CLNK: variants seen among roughly 807,000 people sequenced by gnomAD.
CLNK encodes cytokine dependent hematopoietic cell linker.
CLNK carries 74 observed loss-of-function variants against 68.6 expected under a neutral mutation model. That is an observed-to-expected ratio of 1.08 (90% CI 0.89 to 1.31). CLNK has a LOEUF of 1.31. CLNK is among the 50% of genes most tolerant of loss of function. The probability of loss-of-function intolerance (pLI) is 0.00; values close to 1 mark genes in which losing one functional copy is unlikely to be tolerated. For missense variants in CLNK, 553 were observed against 515.3 expected (o/e 1.07, Z -0.71); for synonymous variants, 198 against 172.2 (o/e 1.15, Z -1.17).
rs11737601 is a variant in CLNK at position 10,486,944 on chromosome 4, A to G, written c.*3523T>C. ...TCACTGCTCTATTTTCAACATCTAC[A>G]ATAGTGCTTAGTAATGAATACACAT... On this transcript the variant is annotated 3_prime_UTR_variant, in exon 19 of 19. Transcript: ENST00000226951. The G allele has an allele frequency of 0.25, 38,413 of 152,174 alleles. 5,440 individuals carry two copies. The highest frequency in any genetic ancestry group is 0.34 in the Middle Eastern group (100 of 296). 9.4% of individuals were successfully genotyped at this position (152,174 alleles called of 1,614,324 possible). A position where few individuals can be genotyped will look rare whatever the true frequency, so the allele number is the denominator to read the frequency against.
intron 8 of CLNK, among the ~76,000 whole-genome samples, chr4:10,557,022 G>A (rs1014621529): frequency 6.6e-5 from 10 of 151,878 alleles, no homozygotes; most frequent in Non-Finnish European, 1.5e-5. Context: ...GTTGCAGTGA[G>A]CCAAGATCAC....
intron 3 of CLNK, among the ~76,000 whole-genome samples, chr4:10,593,324 AG>A (rs199537398): frequency 0.041 from 6,222 of 152,066 alleles, 184 homozygotes; most frequent in Middle Eastern, 0.099. Flanking sequence ...GCCTGACTGA[AG>A]GGACCCAGTA....
chr4:10,603,222 T>G (rs970376664), intron 2 of CLNK, among the ~76,000 whole-genome samples: 10 of 152,204 alleles, frequency 6.6e-5, no homozygotes, highest in Non-Finnish European at 1.2e-4. Flanking sequence ...ATCACTAAAA[T>G]TGCTCTTAAG....
intron 2 of CLNK, among the ~76,000 whole-genome samples, chr4:10,632,308 C>A (rs1560253483): frequency 6.6e-6 from 1 of 152,190 alleles, no homozygotes; most frequent in Non-Finnish European, 1.5e-5. Context: ...TGACCTCTGC[C>A]ATGTCCACCA....
chr4:10,670,055 C>G (rs1009730341), intron 1 of CLNK, among the ~76,000 whole-genome samples: 1 of 152,168 alleles, frequency 6.6e-6, no homozygotes, highest in East Asian at 1.9e-4. Context: ...ACACTTGGAC[C>G]CTCCTAGTTT....
intron 1 of CLNK, among the ~76,000 whole-genome samples, 174 bp from the exon 2 acceptor site, chr4:10,668,085 G>A (rs1466501781): frequency 6.6e-6 from 1 of 152,168 alleles, no homozygotes; most frequent in Non-Finnish European, 1.5e-5. Flanking sequence ...CACAGTTGGG[G>A]AGGGGATTTC....
At chr4:10,501,126 G>T (rs1717026009) in intron 18 of CLNK, 130 bp downstream of exon 18, 2 of 873,648 alleles carry the variant, frequency 2.3e-6, no homozygotes, top group Non-Finnish European at 3.4e-6. Context: ...TTTGTGGAAG[G>T]GGTGGGGAGG....
intron 18 of CLNK, among the ~76,000 whole-genome samples, chr4:10,493,416 G>T (rs1351944541): frequency 2.0e-5 from 3 of 152,160 alleles, no homozygotes; most frequent in East Asian, 1.9e-4. Context: ...CAAGATCGAG[G>T]CACTGGCAGA....
intron 2 of CLNK, among the ~76,000 whole-genome samples, chr4:10,627,237 G>T (rs573578514): frequency 6.6e-6 from 1 of 152,274 alleles, no homozygotes; most frequent in South Asian, 2.1e-4. Flanking sequence ...GGTGGAAGGT[G>T]TCCCAGGTGT....
chr4:10,646,795 T>C (rs373268041), intron 2 of CLNK, among the ~76,000 whole-genome samples: 1 of 152,138 alleles, frequency 6.6e-6, no homozygotes, highest in Non-Finnish European at 1.5e-5. Context: ...TTCTTAACTA[T>C]TCATTATCCC....
At chr4:10,642,298 C>T (rs536463870) in intron 2 of CLNK, among the ~76,000 whole-genome samples, 10 of 152,208 alleles carry the variant, frequency 6.6e-5, no homozygotes, top group Non-Finnish European at 1.2e-4. Flanking sequence ...CAGAGATGGC[C>T]GAGATATTGC....
At chr4:10,581,906 G>A (rs1221878789) in intron 4 of CLNK, among the ~76,000 whole-genome samples, 2 of 152,086 alleles carry the variant, frequency 1.3e-5, no homozygotes, top group Non-Finnish European at 2.9e-5. Flanking sequence ...CCCTTGGTCA[G>A]CAAGTCTAAA....
At position 10,667,886 on chromosome 4, in the gene CLNK, C is replaced by T. The variant is rs115837509; in HGVS notation, c.-17G>A. On this transcript the variant is annotated 5_prime_UTR_variant, in exon 2 of 19. Coordinates refer to ENST00000226951, the MANE Select transcript of CLNK (RefSeq NM_052964.4). ...CCTGTTCATAGTTCTTGGCACCTGG[C>T]GGGTAAGAGGGATCTTCAATTCAGC... 2.2e-3 allele frequency: 3,468 copies of T among 1,584,242 alleles called. 71 individuals carry two copies. The African/African-American group carries it at 0.035, about 16-fold the overall frequency.
intron 1 of CLNK, among the ~76,000 whole-genome samples, chr4:10,678,215 C>A (rs572233967): frequency 2.0e-5 from 3 of 152,176 alleles, no homozygotes; most frequent in African/African-American, 7.2e-5. Flanking sequence ...GTGAATTGTA[C>A]AACTTGAGTC....
chr4:10,682,133 A>G (rs13102576), intron 1 of CLNK, among the ~76,000 whole-genome samples: 37 of 128,406 alleles, frequency 2.9e-4, no homozygotes, highest in Middle Eastern at 4.2e-3. Flanking sequence ...GTGTGTGTGT[A>G]TGTGTGTGTG....
chr4:10,654,389 A>ATATATATATATATTTATATATTTATATT (rs1553863425), intron 2 of CLNK, among the ~76,000 whole-genome samples: 2,845 of 133,352 alleles, frequency 0.021, 286 homozygotes, highest in East Asian at 0.044. Flanking sequence ...GATTAAATAT[A>ATATATATATATATTTATATATTTATATT]TATATATATA....
the CLNK span, among the ~76,000 whole-genome samples, chr4:10,691,494 A>G: frequency 6.6e-6 from 1 of 152,180 alleles, no homozygotes; most frequent in Non-Finnish European, 1.5e-5. Flanking sequence ...CCAGCTCAGC[A>G]TAGCTATGTT....
chr4:10,683,449 G>A (rs1167953421), intron 1 of CLNK, among the ~76,000 whole-genome samples: 1 of 152,204 alleles, frequency 6.6e-6, no homozygotes, highest in Non-Finnish European at 1.5e-5. Context: ...TTAGGGATGA[G>A]CTCTGTGAAA....
intron 2 of CLNK, among the ~76,000 whole-genome samples, chr4:10,661,157 G>C (rs946565188): frequency 2.0e-5 from 3 of 152,110 alleles, no homozygotes; most frequent in African/African-American, 7.2e-5. Context: ...CGAAAGCAGG[G>C]GTTGTTCACA....
Sources: gnomAD v4.1 joint callset for allele counts (sites outside exome capture counted in the v4.1 genomes callset) on GRCh38, gnomAD v4.1.1 for gene constraint, MANE v1.5 for transcripts, NCBI Gene and HGNC (gene_info 2026-07-23, HGNC 2026-07-21) for gene names.